AGAP1: variants seen among roughly 807,000 people sequenced by gnomAD.
AGAP1 encodes the protein arf-GAP with GTPase, ANK repeat and PH domain-containing protein 1.
In AGAP1, 29 loss-of-function variants were observed where a neutral mutation model predicts 105.3. That is an observed-to-expected ratio of 0.28 (90% CI 0.21 to 0.38). The LOEUF (loss-of-function observed/expected upper bound fraction) is 0.38, where lower values mean the gene tolerates loss of function less well. Ranked by LOEUF, AGAP1 falls within the 10% of genes least tolerant of loss-of-function variation. The pLI is 1.00. For missense variants in AGAP1, 998 were observed against 1,165.1 expected (o/e 0.86, Z 2.09); for synonymous variants, 509 against 485.9 (o/e 1.05, Z -0.63).
In AGAP1 at chr2:235,960,150, C is replaced by T. The variant is rs1390187386; in HGVS notation, c.1484-8312C>T. Among the ~76,000 whole-genome samples the T allele has an allele frequency of 4.6e-5, 7 of 152,150 alleles. No homozygotes were observed. Among genetic ancestry groups the T allele is most frequent in the Non-Finnish European group, 4.4e-5 (3 of 68,024 alleles). On this transcript the variant is annotated intron_variant, in intron 12 of 17. Coordinates refer to ENST00000304032, the MANE Select transcript of AGAP1 (RefSeq NM_001037131.3). This position sits in a 1 kb window ranked among gnomAD's most constrained non-coding sequence, Gnocchi z 4.9. ...CTTGCGGACCCACCCTGGAGGACCT[C>T]GGCCCTGTAAGCAGCAGATCAGAGC... is the stretch of plus-strand genomic sequence containing the variant.
chr2:235,790,312 G>T (rs1233175863), intron 6 of AGAP1, among the ~76,000 whole-genome samples: 1 of 152,098 alleles, frequency 6.6e-6, no homozygotes, highest in African/African-American at 2.4e-5. Context: ...CTAGAATTCT[G>T]TGTGCTGCCA....
chr2:235,755,298 T>C (rs1953828472), intron 6 of AGAP1, among the ~76,000 whole-genome samples: 1 of 152,140 alleles, frequency 6.6e-6, no homozygotes, highest in African/African-American at 2.4e-5. Flanking sequence ...AAAGTTAAAA[T>C]GGTGATTTCA....
At chr2:235,584,790 G>A (rs1039960874) in intron 1 of AGAP1, among the ~76,000 whole-genome samples, 7 of 151,650 alleles carry the variant, frequency 4.6e-5, no homozygotes, top group Non-Finnish European at 7.4e-5. Flanking sequence ...CCTGTTTGCC[G>A]CTCACTCCTC....
rs1182008896 is a variant in AGAP1 at position 235,874,648 on chromosome 2, A to C, written c.1051-8697A>C. Among the ~76,000 whole-genome samples, 2 of 152,200 alleles carry C rather than the reference A, an allele frequency of 1.3e-5. No individual in the cohort carries two copies. The highest frequency in any genetic ancestry group is 2.9e-5 in the Non-Finnish European group (2 of 68,030). ...ACTTGGATCAGCTGCTCCTGTCCTT[A>C]GGGGTCAGGACAGGACTTCGTCATG... On this transcript the variant is annotated intron_variant, in intron 9 of 17. Coordinates refer to ENST00000304032, the MANE Select transcript of AGAP1 (RefSeq NM_001037131.3). The surrounding 1 kb of genome is among the most constrained non-coding windows in gnomAD (Gnocchi z 4.5).
intron 6 of AGAP1, among the ~76,000 whole-genome samples, chr2:235,776,731 C>G (rs764558094): frequency 1.3e-5 from 2 of 152,174 alleles, no homozygotes; most frequent in African/African-American, 2.4e-5. Flanking sequence ...CTCCCCCTTC[C>G]CCTTGCACAC....
At chr2:235,630,997 C>G (rs541157491) in intron 1 of AGAP1, among the ~76,000 whole-genome samples, 9 of 152,192 alleles carry the variant, frequency 5.9e-5, no homozygotes, top group African/African-American at 9.7e-5. Context: ...TGAACACATT[C>G]TCTGGTAACT....
At chr2:235,538,442 T>TGTGTGTGTGTGTGC (rs1943315718) in intron 1 of AGAP1, among the ~76,000 whole-genome samples, 1 of 150,244 alleles carries the variant, frequency 6.7e-6, no homozygotes, top group Admixed American at 6.6e-5. Flanking sequence ...TGTGTGTGTG[T>TGTGTGTGTGTGTGC]GTGTGTGTGT....
chr2:235,955,457 C>G lies in AGAP1; in HGVS notation c.1484-13005C>G, dbSNP rs192802482. Among the ~76,000 whole-genome samples, 170 of 152,282 alleles carry G rather than the reference C, an allele frequency of 1.1e-3. 1 individual carries two copies. The East Asian group carries it at 0.011, about 10-fold the overall frequency. The stretch of plus-strand genomic sequence containing the variant: ...CCCACGAATGCTCATGTTCATGAGC[C>G]TGTGTCTCAAAAGCTGCCCCAAAGT... On this transcript the variant is annotated intron_variant, in intron 12 of 17. Transcript: ENST00000304032.
chr2:236,107,001 A>G (rs2059513357), intron 16 of AGAP1, among the ~76,000 whole-genome samples: 1 of 152,016 alleles, frequency 6.6e-6, no homozygotes, highest in Non-Finnish European at 1.5e-5. Flanking sequence ...TCAATGAGAG[A>G]GCACCCTGGG....
In AGAP1 at chr2:235,826,783, A is replaced by G. The variant is rs114502873; in HGVS notation, c.1050+19452A>G. 8.6e-3 allele frequency among the ~76,000 whole-genome samples: 1,305 copies of G among 152,196 alleles called. 20 individuals carry two copies. The highest frequency in any genetic ancestry group is 0.03 in the African/African-American group (1,242 of 41,498). Reference sequence around the variant, plus strand: ...AAAATGTTTTTTTGCAACATTAGCCACCCTGAGAGTTTCTTCACGAAGTTC... The same window carrying G: ...AAAATGTTTTTTTGCAACATTAGCCGCCCTGAGAGTTTCTTCACGAAGTTC... On this transcript the variant is annotated intron_variant, in intron 9 of 17. Transcript: ENST00000304032.
At chr2:235,909,521 T>G (rs544956492) in intron 11 of AGAP1, among the ~76,000 whole-genome samples, 61 of 152,286 alleles carry the variant, frequency 4.0e-4, no homozygotes, top group Admixed American at 4.0e-3. Context: ...TTCATTTTAT[T>G]TACGTTTTTG....
intron 13 of AGAP1, among the ~76,000 whole-genome samples, chr2:236,024,168 C>T (rs570213968): frequency 1.3e-5 from 2 of 151,798 alleles, no homozygotes; most frequent in East Asian, 1.9e-4. Context: ...GTAGCTGGGA[C>T]TACAGGCACA....
chr2:235,702,249 A>G (rs1426412620), intron 1 of AGAP1, among the ~76,000 whole-genome samples: 1 of 152,212 alleles, frequency 6.6e-6, no homozygotes, highest in Non-Finnish European at 1.5e-5. Flanking sequence ...ATTAGAGTCC[A>G]TAGCTCTGCT....
chr2:235,589,821 T>TAGAG (rs35844164), intron 1 of AGAP1, among the ~76,000 whole-genome samples: 33 of 148,758 alleles, frequency 2.2e-4, no homozygotes, highest in South Asian at 2.1e-4. Context: ...TCAGAGCATC[T>TAGAG]AGAGAGAGAG....
rs1057443416 is a variant in AGAP1, at chr2:235,739,460, G to C, written c.311-1503G>C. Among the ~76,000 whole-genome samples, 1 of 152,240 alleles carries C rather than the reference G, an allele frequency of 6.6e-6. No homozygotes were observed. Among genetic ancestry groups the C allele is most frequent in the Admixed American group, 6.5e-5 (1 of 15,284 alleles). On this transcript the variant is annotated intron_variant, in intron 3 of 17. Coordinates refer to ENST00000304032, the MANE Select transcript of AGAP1 (RefSeq NM_001037131.3). The surrounding 1 kb of genome is among the most constrained non-coding windows in gnomAD (Gnocchi z 5.3). Reference sequence around the variant, plus strand: ...CCTGACTGGCCTGGATGTGTCCCCTGCTAACGGGCCTCAGCCTGACCATTT... The same window carrying C: ...CCTGACTGGCCTGGATGTGTCCCCTCCTAACGGGCCTCAGCCTGACCATTT...
At chr2:235,786,554 A>G (rs79730390) in intron 6 of AGAP1, among the ~76,000 whole-genome samples, 3,144 of 152,316 alleles carry the variant, frequency 0.021, 100 homozygotes, top group African/African-American at 0.072. Context: ...ATAGTTGGGC[A>G]TGGAGGGAAA....
rs1215455880 is a variant in AGAP1, at chr2:235,877,629, C to T, written c.1051-5716C>T. Among the ~76,000 whole-genome samples, 12 of 152,162 alleles carry T rather than the reference C, an allele frequency of 7.9e-5. No individual in the cohort carries two copies. Among genetic ancestry groups the T allele is most frequent in the Admixed American group, 7.2e-4 (11 of 15,282 alleles). ...ACCTAGGAAGTCGGAGATGCCAACT[C>T]GGGCAGTGGAATCCAGTGGTGGTTT... On this transcript the variant is annotated intron_variant, in intron 9 of 17. Coordinates refer to ENST00000304032, the MANE Select transcript of AGAP1 (RefSeq NM_001037131.3). The surrounding 1 kb of genome is among the most constrained non-coding windows in gnomAD (Gnocchi z 4.3).
intron 8 of AGAP1, among the ~76,000 whole-genome samples, chr2:235,802,055 A>T (rs1393860921): frequency 6.6e-6 from 1 of 152,126 alleles, no homozygotes; most frequent in Non-Finnish European, 1.5e-5. Context: ...AGAGAGAATC[A>T]AAATAACAGC....
rs1055530381 is a variant in AGAP1, at chr2:235,719,765, C to T, written c.310+2121C>T. ...CAGCAGCCCTCCCTGGGCATGTGGC[C>T]TCTCACCTTTTGACTCGAGGTCCCA... On this transcript the variant is annotated intron_variant, in intron 3 of 17. Transcript: ENST00000304032. The surrounding 1 kb of genome is among the most constrained non-coding windows in gnomAD (Gnocchi z 4.9). Among the ~76,000 whole-genome samples, 8 of 152,288 alleles carry T rather than the reference C, an allele frequency of 5.3e-5. No individual in the cohort carries two copies. In the South Asian group the frequency reaches 8.3e-4, roughly 16 times the overall value.
Sources: allele counts gnomAD v4.1 joint callset (sites outside exome capture counted in the v4.1 genomes callset), GRCh38; gene constraint gnomAD v4.1.1; non-coding constraint Gnocchi (gnomAD v3.1); transcripts MANE v1.5; gene names NCBI Gene and HGNC (gene_info 2026-07-23, HGNC 2026-07-21).